NME7: variants seen among roughly 807,000 people sequenced by gnomAD.
NME7 encodes the protein NME/NM23 family member 7.
A neutral mutation model predicts 49.1 loss-of-function variants in NME7; 41 were observed. The ratio of observed to expected loss-of-function variants is 0.83; its 90% CI spans 0.65 to 1.08. NME7 has a LOEUF of 1.08. Among genes scored for constraint, NME7 ranks in the 50% least tolerant of loss-of-function variants. The pLI is 0.00. For missense variants in NME7, 423 were observed against 463.4 expected, an observed-to-expected ratio of 0.91 and a Z score of 0.80; for synonymous variants, 139 against 150.6, an observed-to-expected ratio of 0.92 and a Z score of 0.56.
chr1:169,179,722 C>T (rs554240606), intron 10 of NME7, among the ~76,000 whole-genome samples: 9 of 152,182 alleles, frequency 5.9e-5, no homozygotes, highest in Admixed American at 1.3e-4. Flanking sequence ...ATCAAATACC[C>T]GCATGTTCTC....
rs368379464 is a variant in NME7, at chr1:169,238,801, G to C, written c.755-1114C>G. Among the ~76,000 whole-genome samples, 12 of 152,098 alleles carry C rather than the reference G, an allele frequency of 7.9e-5. No individual in the cohort carries two copies. The South Asian group carries it at 2.1e-3, about 26-fold the overall frequency. The stretch of plus-strand genomic sequence containing the variant: ...TAACTGAGTCATCACAGTAGAACAG[G>C]CTCATGCCTAACTCAGAGTCTGTAC... On this transcript the variant is annotated intron_variant, in intron 7 of 11. Coordinates refer to ENST00000367811, the MANE Select transcript of NME7 (RefSeq NM_013330.5).
At chr1:169,233,049 G>T (rs1424307162) in intron 9 of NME7, among the ~76,000 whole-genome samples, 1 of 150,912 alleles carries the variant, frequency 6.6e-6, no homozygotes, top group Non-Finnish European at 1.5e-5. Flanking sequence ...CTCCTGAGTA[G>T]CTGGGACTAC....
rs1416082221 is a variant in NME7, at chr1:169,143,445, G to A, written c.1099-10628C>T. On this transcript the variant is annotated intron_variant, in intron 11 of 11. Coordinates refer to ENST00000367811, the MANE Select transcript of NME7 (RefSeq NM_013330.5). ...CTCAGTTCAAATGCCATTTGCTAAA[G>A]GAAACCTTTCTTAATCCCCCATCTA... 2.6e-5 allele frequency among the ~76,000 whole-genome samples: 4 copies of A among 151,736 alleles called. No individual in the cohort carries two copies. The East Asian group carries it at 7.8e-4, about 29-fold the overall frequency.
At chr1:169,226,070 T>C (rs1647327212) in intron 10 of NME7, among the ~76,000 whole-genome samples, 1 of 152,210 alleles carries the variant, frequency 6.6e-6, no homozygotes, top group Non-Finnish European at 1.5e-5. Context: ...CAAATATTTA[T>C]TGCATGGCCA....
At chr1:169,295,454 G>C (rs915423622) in intron 6 of NME7, among the ~76,000 whole-genome samples, 3 of 152,118 alleles carry the variant, frequency 2.0e-5, no homozygotes, top group African/African-American at 7.2e-5. Context: ...TCATTAATTA[G>C]ATATGTTTAT....
At chr1:169,231,033 AT>A (rs1647592159) in intron 9 of NME7, among the ~76,000 whole-genome samples, 1 of 152,156 alleles carries the variant, frequency 6.6e-6, no homozygotes, top group African/African-American at 2.4e-5. Context: ...TCACATTTTA[AT>A]ATAATGCTTT....
chr1:169,182,521 C>T (rs72706922), intron 10 of NME7, among the ~76,000 whole-genome samples: 6,230 of 152,236 alleles, frequency 0.041, 188 homozygotes, highest in Non-Finnish European at 0.066. Context: ...CACACAGATT[C>T]TATTTCTTTA....
intron 5 of NME7, 134 bp from the exon 6 acceptor site, chr1:169,298,897 G>A (rs950224208): frequency 7.4e-6 from 6 of 810,484 alleles, no homozygotes; most frequent in African/African-American, 1.7e-5. Context: ...ATTAAGCATA[G>A]TTAATTTTAC....
intron 1 of NME7, among the ~76,000 whole-genome samples, chr1:169,330,083 T>C (rs541655041): frequency 9.2e-5 from 14 of 152,158 alleles, no homozygotes; most frequent in African/African-American, 2.7e-4. Flanking sequence ...CCTATAATAG[T>C]ATATTTAGTT....
At chr1:169,267,192 C>T (rs987611140) in intron 7 of NME7, among the ~76,000 whole-genome samples, 5 of 133,758 alleles carry the variant, frequency 3.7e-5, no homozygotes, top group African/African-American at 1.3e-4. Context: ...AGTAAAATAT[C>T]TAGGAATACA....
intron 11 of NME7, among the ~76,000 whole-genome samples, chr1:169,134,096 G>C (rs1257398207): frequency 6.6e-6 from 1 of 152,052 alleles, no homozygotes; most frequent in Non-Finnish European, 1.5e-5. Flanking sequence ...CTGATCTTTA[G>C]TGTTATATCA....
At chr1:169,276,557 G>A (rs7514729) in intron 7 of NME7, among the ~76,000 whole-genome samples, 10,489 of 130,990 alleles carry the variant, frequency 0.08, 2,524 homozygotes, top group East Asian at 0.74. Context: ...TTTTTATTGC[G>A]TCTATTAGAT....
intron 1 of NME7, among the ~76,000 whole-genome samples, chr1:169,331,962 A>G: frequency 6.6e-6 from 1 of 152,170 alleles, no homozygotes. Context: ...AGAAATAGAA[A>G]AAACAATTCT....
At chr1:169,251,712 C>A (rs1314049306) in intron 7 of NME7, among the ~76,000 whole-genome samples, 2 of 75,574 alleles carry the variant, frequency 2.6e-5, no homozygotes. Flanking sequence ...CCTCCCCCCT[C>A]CCCCCACCCC....
intron 10 of NME7, among the ~76,000 whole-genome samples, chr1:169,224,695 C>T (rs1046858815): frequency 2.0e-5 from 3 of 151,922 alleles, no homozygotes; most frequent in African/African-American, 7.3e-5. Flanking sequence ...TTCATTTGTC[C>T]AGTACATGAC....
At chr1:169,348,364 C>CAAAAAAA (rs35999944) in intron 1 of NME7, among the ~76,000 whole-genome samples, 1 of 127,498 alleles carries the variant, frequency 7.8e-6, no homozygotes, top group African/African-American at 2.9e-5. Flanking sequence ...CAAAAAAAAG[C>CAAAAAAA]AAAAAAAAAA....
rs1195732426 is a variant in NME7 at position 169,277,731 on chromosome 1, G to A, written c.754+9572C>T. 2.0e-5 allele frequency among the ~76,000 whole-genome samples: 2 copies of A among 100,678 alleles called. 1 individual carries two copies. Among genetic ancestry groups the A allele is most frequent in the Non-Finnish European group, 4.3e-5 (2 of 46,972 alleles). 66.0% of individuals were successfully genotyped at this position (100,678 alleles called of 152,430 possible). A position where few individuals can be genotyped will look rare whatever the true frequency, so the allele number is the denominator to read the frequency against. On this transcript the variant is annotated intron_variant, in intron 7 of 11. Coordinates refer to ENST00000367811, the MANE Select transcript of NME7 (RefSeq NM_013330.5). ...TATGTGAATTTGATCCTGTCATTAT[G>A]ATGTTAGCTGGTTATTTTGCTCGTT...
chr1:169,139,802 T>C (rs1296632261), intron 11 of NME7, among the ~76,000 whole-genome samples: 5 of 152,190 alleles, frequency 3.3e-5, no homozygotes, highest in South Asian at 2.1e-4. Context: ...TACATAATTA[T>C]TCAAGTCATG....
intron 6 of NME7, among the ~76,000 whole-genome samples, chr1:169,297,327 G>A (rs560314196): frequency 6.6e-6 from 1 of 152,230 alleles, no homozygotes; most frequent in Admixed American, 6.5e-5. Context: ...ATGGCAAGTG[G>A]AAGATATCAG....
Sources: gnomAD v4.1 joint callset for allele counts (sites outside exome capture counted in the v4.1 genomes callset) on GRCh38, gnomAD v4.1.1 for gene constraint, MANE v1.5 for transcripts, NCBI Gene and HGNC (gene_info 2026-07-23, HGNC 2026-07-21) for gene names.